The following FOXO3 variants were observed in gnomAD, a reference collection of about 807,000 sequenced individuals.
FOXO3 encodes forkhead box O3.
Under a neutral mutation model 41.9 loss-of-function variants are expected in FOXO3, and 4 were observed. That is an observed-to-expected ratio of 0.10 (90% CI 0.05 to 0.22). The LOEUF (loss-of-function observed/expected upper bound fraction) is 0.22. Among genes scored for constraint, FOXO3 ranks in the 10% least tolerant of loss-of-function variants. The probability of loss-of-function intolerance (pLI) is 1.00; values close to 1 mark genes in which losing one functional copy is unlikely to be tolerated. For missense variants in FOXO3, 534 were observed against 906.8 expected (o/e 0.59, Z 5.28); for synonymous variants, 318 against 389.3 (o/e 0.82, Z 2.16).
chr6:108,613,337 G>T (rs1777413161), intron 1 of FOXO3, among the ~76,000 whole-genome samples: 1 of 148,086 alleles, frequency 6.8e-6, no homozygotes. Context: ...GAATTCAACG[G>T]CAGTTAAGCC....
intron 1 of FOXO3, among the ~76,000 whole-genome samples, chr6:108,580,183 A>ATTTTTTTTTT (rs11395032): frequency 6.4e-5 from 6 of 93,072 alleles, no homozygotes; most frequent in Non-Finnish European, 1.2e-4. Context: ...GCTCTTCTTC[A>ATTTTTTTTTT]TTTTTTTTTT....
chr6:108,665,009 T>G, intron 2 of FOXO3, 120 bp downstream of exon 2: 1 of 1,099,874 alleles, frequency 9.1e-7, no homozygotes, highest in Non-Finnish European at 1.3e-6. Flanking sequence ...GGAGCAGTGG[T>G]GCACATAATA....
At chr6:108,622,770 C>T (rs1430617146) in intron 1 of FOXO3, among the ~76,000 whole-genome samples, 1 of 152,030 alleles carries the variant, frequency 6.6e-6, no homozygotes, top group East Asian at 1.9e-4. Context: ...CTCATTTACT[C>T]TGAGCAAGGG....
intron 1 of FOXO3, among the ~76,000 whole-genome samples, chr6:108,625,355 C>T (rs572017190): frequency 1.3e-5 from 2 of 152,112 alleles, no homozygotes; most frequent in African/African-American, 2.4e-5. Context: ...TTTGTTAGGT[C>T]ATTAGATTGG....
chr6:108,586,006 T>C (rs1290483188), intron 1 of FOXO3, among the ~76,000 whole-genome samples: 1 of 152,148 alleles, frequency 6.6e-6, no homozygotes, highest in African/African-American at 2.4e-5. Context: ...GGCTTCCTAC[T>C]TTTTCACTGC....
At chr6:108,592,624 G>A (rs777887858) in intron 1 of FOXO3, among the ~76,000 whole-genome samples, 51 of 152,316 alleles carry the variant, frequency 3.3e-4, no homozygotes, top group Middle Eastern at 6.8e-3. Context: ...CTGGAATGGA[G>A]GTGTGGTGGA....
intron 2 of FOXO3, 24 bp downstream of exon 2, chr6:108,664,913 A>G: frequency 6.4e-7 from 1 of 1,573,232 alleles, no homozygotes; most frequent in Non-Finnish European, 8.6e-7. Flanking sequence ...GCTATGGCAT[A>G]AAAATAACAA....
At chr6:108,641,618 C>A (rs1165315987) in intron 1 of FOXO3, among the ~76,000 whole-genome samples, 1 of 151,990 alleles carries the variant, frequency 6.6e-6, no homozygotes, top group Non-Finnish European at 1.5e-5. Context: ...AGGTATAATT[C>A]ACCTTATTCC....
At chr6:108,592,000 G>C (rs1776744227) in intron 1 of FOXO3, among the ~76,000 whole-genome samples, 2 of 152,144 alleles carry the variant, frequency 1.3e-5, no homozygotes. Flanking sequence ...CAAAAACATT[G>C]TGAGAGAAAA....
At chr6:108,560,697 G>A (rs551629421), upstream of FOXO3, among the ~76,000 whole-genome samples, 9 of 152,072 alleles carry the variant, frequency 5.9e-5, no homozygotes, top group South Asian at 1.5e-3. Flanking sequence ...ACAAACGCAC[G>A]CACACCCGAG....
At chr6:108,650,010 A>G (rs117420572) in intron 1 of FOXO3, among the ~76,000 whole-genome samples, 4,124 of 152,278 alleles carry the variant, frequency 0.027, 83 homozygotes, top group Non-Finnish European at 0.04. Context: ...TCGTATTATG[A>G]GCCCACACAT....
At chr6:108,574,813 T>C (rs1289036757) in intron 1 of FOXO3, among the ~76,000 whole-genome samples, 1 of 152,256 alleles carries the variant, frequency 6.6e-6, no homozygotes, top group East Asian at 1.9e-4. Context: ...AGAATGCTAA[T>C]TATCCCATTT....
intron 1 of FOXO3, among the ~76,000 whole-genome samples, chr6:108,571,938 T>C (rs930840700): frequency 6.6e-6 from 1 of 152,214 alleles, no homozygotes; most frequent in Non-Finnish European, 1.5e-5. Context: ...GCTACTTTCT[T>C]GTCATCTACA....
rs775021576 is a variant in FOXO3, at chr6:108,663,720, C to G, written c.887C>G (p.Thr296Arg). The change falls in exon 2 of 3, where the codon ACG becomes AGG. Residue 296 changes from threonine (T) to arginine (R), a missense_variant. Thr to Arg is a moderately conservative substitution (Grantham distance 71). Coordinates refer to ENST00000406360, the MANE Select transcript of FOXO3 (RefSeq NM_001455.4). Reference protein sequence around the residue: ...SQLSKWPGSPTSRSSDELDAW... With the variant: ...SQLSKWPGSPRSRSSDELDAW... ...CTCTCCAAGTGGCCTGGCAGCCCCA[C>G]GTCACGCAGCAGTGATGAGCTGGAT... 1.2e-6 allele frequency: 2 copies of G among 1,613,562 alleles called. No homozygotes were observed. The highest frequency in any genetic ancestry group is 1.7e-5 in the Admixed American group (1 of 59,986).
At chr6:108,673,143 A>G (rs1398519327) in intron 2 of FOXO3, among the ~76,000 whole-genome samples, 1 of 152,178 alleles carries the variant, frequency 6.6e-6, no homozygotes, top group East Asian at 1.9e-4. Flanking sequence ...AGGTGACCCT[A>G]ATGTTTACCT....
chr6:108,650,022 G>T (rs1005300449), intron 1 of FOXO3, among the ~76,000 whole-genome samples: 1 of 152,048 alleles, frequency 6.6e-6, no homozygotes, highest in South Asian at 2.1e-4. Flanking sequence ...CCCACACATC[G>T]TTCCCATTAG....
intron 1 of FOXO3, chr6:108,618,085 T>G (rs1472398158): frequency 1.3e-6 from 1 of 757,470 alleles, no homozygotes; most frequent in Non-Finnish European, 2.4e-6. Context: ...GTCTTTTTCA[T>G]TGATTTGGTT....
intron 1 of FOXO3, among the ~76,000 whole-genome samples, chr6:108,653,984 A>G (rs560459389): frequency 2.6e-4 from 40 of 152,338 alleles, no homozygotes; most frequent in African/African-American, 9.1e-4. Context: ...ACATCACAGG[A>G]GAAGCTTGGA....
chr6:108,628,938 G>A (rs1048124869), intron 1 of FOXO3, among the ~76,000 whole-genome samples: 6 of 151,904 alleles, frequency 3.9e-5, no homozygotes, highest in African/African-American at 9.7e-5. Flanking sequence ...CTTTTTTTGC[G>A]AAGTGTCATG....
Sources: allele counts gnomAD v4.1 joint callset (sites outside exome capture counted in the v4.1 genomes callset), GRCh38; gene constraint gnomAD v4.1.1; transcripts MANE v1.5; gene names NCBI Gene and HGNC (gene_info 2026-07-23, HGNC 2026-07-21).